Variants in DLG5 observed in about 807,000 individuals in gnomAD.
The protein encoded by DLG5 is discs large MAGUK scaffold protein 5.
A neutral mutation model predicts 189.8 loss-of-function variants in DLG5; 48 were observed. The observed-to-expected ratio is 0.25, with a 90% CI of 0.20 to 0.32. DLG5 has a LOEUF of 0.32. Among genes scored for constraint, DLG5 ranks in the 10% least tolerant of loss-of-function variants. The pLI is 1.00. For missense variants in DLG5, 2,160 were observed against 2,544.7 expected, an observed-to-expected ratio of 0.85 and a Z score of 3.25; for synonymous variants, 1,016 against 1,054.1, an observed-to-expected ratio of 0.96 and a Z score of 0.70.
chr10:77,900,987 C>T lies in DLG5; in HGVS notation c.304+25230G>A, dbSNP rs111960745. ...CAAGCAAGCCGGGCATGGTGGTGCACGCCTATAGTCCCAGCTACTTGGGAG... is the reference window on the plus strand; with the variant it reads ...CAAGCAAGCCGGGCATGGTGGTGCATGCCTATAGTCCCAGCTACTTGGGAG... On this transcript the variant is annotated intron_variant, in intron 1 of 31. Coordinates refer to ENST00000372391, the MANE Select transcript of DLG5 (RefSeq NM_004747.4). 3.9e-3 allele frequency among the ~76,000 whole-genome samples: 573 copies of T among 145,572 alleles called. 1 individual carries two copies. Among genetic ancestry groups the T allele is most frequent in the African/African-American group, 0.013 (521 of 39,114 alleles).
chr10:77,816,041 T>C (rs1428001763), intron 20 of DLG5: 1 of 450,272 alleles, frequency 2.2e-6, no homozygotes, highest in Non-Finnish European at 4.5e-6. Flanking sequence ...GCTTTCTTCC[T>C]GTGTATATTT....
chr10:77,926,076 C>A lies in DLG5; in HGVS notation c.304+141G>T. On this transcript the variant is annotated intron_variant, in intron 1 of 31. Transcript: ENST00000372391. The surrounding 1 kb of genome is among the most constrained non-coding windows in gnomAD (Gnocchi z 5.2). ...GGACTTCGGGATCCGCGCACCGCCG[C>A]CTCCCCAACTGGGCCAGAGGAGCGA... 1.1e-6 allele frequency: 1 copy of A among 905,704 alleles called. No individual in the cohort carries two copies. Among genetic ancestry groups the A allele is most frequent in the Non-Finnish European group, 1.5e-6 (1 of 681,294 alleles). The allele number at this position is 905,704 out of a possible 1,614,324, so 56.1% of individuals were successfully genotyped here. A position where few individuals can be genotyped will look rare whatever the true frequency, so the allele number is the denominator to read the frequency against.
rs74328064 is a variant in DLG5 at position 77,843,809 on chromosome 10, C to T, written c.865-103G>A. 346 of 1,490,940 alleles carry T rather than the reference C, an allele frequency of 2.3e-4. No homozygotes were observed. In the East Asian group the frequency reaches 5.9e-3, roughly 26 times the overall value. 92.4% of individuals were successfully genotyped at this position (1,490,940 alleles called of 1,614,324 possible). The stretch of plus-strand genomic sequence containing the variant: ...TCTGAGGGTGAGACTGATGACAAGG[C>T]GGTTGGGGGGAGGGGGTTACCCTAA... On this transcript the variant is annotated intron_variant, in intron 5 of 31. Coordinates refer to ENST00000372391, the MANE Select transcript of DLG5 (RefSeq NM_004747.4).
intron 20 of DLG5, among the ~76,000 whole-genome samples, chr10:77,814,461 T>TTTTATTTATA (rs1279061097): frequency 1.4e-5 from 1 of 70,700 alleles, no homozygotes; most frequent in Non-Finnish European, 3.1e-5. Context: ...TAAAGCATGT[T>TTTTATTTATA]TATATATATA....
At chr10:77,895,900 C>T (rs1589262126) in intron 1 of DLG5, among the ~76,000 whole-genome samples, 1 of 152,170 alleles carries the variant, frequency 6.6e-6, no homozygotes, top group Non-Finnish European at 1.5e-5. Context: ...TGACATAAAA[C>T]AGAGAAAAAC....
At chr10:77,842,471 GC>G (rs1347233047) in intron 6 of DLG5, among the ~76,000 whole-genome samples, 1 of 152,208 alleles carries the variant, frequency 6.6e-6, no homozygotes, top group Non-Finnish European at 1.5e-5. Flanking sequence ...CCACAGTCAA[GC>G]CACATTAATT....
chr10:77,826,210 A>G (rs900776318), intron 13 of DLG5, among the ~76,000 whole-genome samples: 13 of 152,350 alleles, frequency 8.5e-5, no homozygotes, highest in South Asian at 4.1e-4. Flanking sequence ...GTGGCCATGC[A>G]GCACGACACA....
At chr10:77,919,861 C>T (rs1401388223) in intron 1 of DLG5, among the ~76,000 whole-genome samples, 1 of 152,104 alleles carries the variant, frequency 6.6e-6, no homozygotes, top group Non-Finnish European at 1.5e-5. Context: ...CTTGCTCAAG[C>T]CTTCCTCCTC....
At chr10:77,850,912 A>C (rs1327752475) in intron 5 of DLG5, among the ~76,000 whole-genome samples, 1 of 152,244 alleles carries the variant, frequency 6.6e-6, no homozygotes, top group East Asian at 1.9e-4. Flanking sequence ...CTCTGAAATG[A>C]TGATTCTCTC....
intron 1 of DLG5, among the ~76,000 whole-genome samples, chr10:77,894,543 CTTT>C (rs35379334): frequency 3.1e-5 from 3 of 95,918 alleles, no homozygotes; most frequent in Non-Finnish European, 3.9e-5. Flanking sequence ...AAGAATAAAG[CTTT>C]TTTTTTTTTT....
rs954075250 is a variant in DLG5 at position 77,817,220 on chromosome 10, G to A, written c.3785-124C>T. The A allele has an allele frequency of 3.4e-6, 3 of 872,072 alleles. No individual in the cohort carries two copies. In the African/African-American group the frequency reaches 5.0e-5, roughly 15 times the overall value. 54.0% of individuals were successfully genotyped at this position (872,072 alleles called of 1,614,324 possible). ...GCTGGGCCCTGCTGTTTATTCCCAA[G>A]GGAGCCTTGATATGGAACAGTCAAG... is the stretch of plus-strand genomic sequence containing the variant. On this transcript the variant is annotated intron_variant, in intron 18 of 31. Transcript: ENST00000372391.
At chr10:77,793,824 G>A in intron 31 of DLG5, 184 bp downstream of exon 31, 1 of 611,672 alleles carries the variant, frequency 1.6e-6, no homozygotes, top group Admixed American at 2.8e-5. Flanking sequence ...CATTCAACCT[G>A]TAAGAATCCT....
In DLG5 at chr10:77,796,405, G is replaced by A; in HGVS notation, c.5308+46C>T. On this transcript the variant is annotated intron_variant, in intron 28 of 31. Coordinates refer to ENST00000372391, the MANE Select transcript of DLG5 (RefSeq NM_004747.4). The surrounding 1 kb of genome is among the most constrained non-coding windows in gnomAD (Gnocchi z 5.2). The stretch of plus-strand genomic sequence containing the variant: ...GGGCAGGCAGGTGGACAGGGACATA[G>A]AGACAAAGAGCCCAGTAGGCACAGA... 1 of 1,613,836 alleles carries A rather than the reference G, an allele frequency of 6.2e-7. No individual in the cohort carries two copies. Among genetic ancestry groups the A allele is most frequent in the Admixed American group, 1.7e-5 (1 of 60,024 alleles).
At chr10:77,902,216 T>A (rs1421182916) in intron 1 of DLG5, among the ~76,000 whole-genome samples, 1 of 152,166 alleles carries the variant, frequency 6.6e-6, no homozygotes, top group Non-Finnish European at 1.5e-5. Flanking sequence ...AGGTTCTGAT[T>A]CACAGACCTA....
Position 77,792,541 on chromosome 10 carries a change from C to T in DLG5, c.5659G>A (p.Val1887Ile). The T allele has an allele frequency of 1.9e-6, 3 of 1,614,094 alleles. No individual in the cohort carries two copies. Among genetic ancestry groups the T allele is most frequent in the East Asian group, 2.2e-5 (1 of 44,888 alleles). The change falls in exon 32 of 32, where the codon GTC becomes ATC. Residue 1887 changes from valine (V) to isoleucine (I), a missense_variant and splice_region_variant. By Grantham distance (29) the Val-to-Ile change is conservative (BLOSUM62 3). This residue lies in a region of DLG5 where 574 missense variants were observed against 644.2 expected (regional missense o/e 0.89). Transcript: ENST00000372391. ...EQEYSRYFTG[V>I]IQGGALSSIC... is the part of the protein sequence containing the mutation. Reference sequence around the variant, plus strand: ...CTTGACAGGGCTCCTCCCTGGATGACCCCTGCAAAAGAGCCCCCCAGACAC... The same window carrying T: ...CTTGACAGGGCTCCTCCCTGGATGATCCCTGCAAAAGAGCCCCCCAGACAC...
intron 14 of DLG5, 85 bp downstream of exon 14, chr10:77,824,299 G>T: frequency 9.8e-7 from 1 of 1,016,404 alleles, no homozygotes. Context: ...AGGATCCTGT[G>T]ACCCCAAGGA....
Position 77,825,374 on chromosome 10 carries a change from CCACACACACACA to C in DLG5, c.2290-910_2290-899del, listed in dbSNP as rs59102694. On this transcript the variant is annotated intron_variant, in intron 13 of 31. Coordinates refer to ENST00000372391, the MANE Select transcript of DLG5 (RefSeq NM_004747.4). Reference sequence around the variant, plus strand: ...ACAACATGTGTTTAACCACACACAACCACACACACACACACACACACACACACACACACACAC... The same window carrying C: ...ACAACATGTGTTTAACCACACACAACCACACACACACACACACACACACAC... Among the ~76,000 whole-genome samples, 309 of 130,890 alleles carry C rather than the reference CCACACACACACA, an allele frequency of 2.4e-3. 3 individuals carry two copies. Among genetic ancestry groups the C allele is most frequent in the Middle Eastern group, 7.8e-3 (2 of 256 alleles). The allele number at this position is 130,890 out of a possible 152,430, so 85.9% of individuals were successfully genotyped here.
intron 1 of DLG5, among the ~76,000 whole-genome samples, chr10:77,917,540 G>T (rs1846398639): frequency 6.7e-6 from 1 of 149,124 alleles, no homozygotes. Context: ...AAAAAAAGAA[G>T]AAAGAGAGAG....
chr10:77,801,937 C>A (rs1841227202), intron 27 of DLG5, among the ~76,000 whole-genome samples: 1 of 152,140 alleles, frequency 6.6e-6, no homozygotes, highest in African/African-American at 2.4e-5. Context: ...TAAATAAAAC[C>A]CCACGGGTCC....
Sources: allele counts gnomAD v4.1 joint callset (sites outside exome capture counted in the v4.1 genomes callset), GRCh38; gene constraint gnomAD v4.1.1; regional missense constraint gnomAD v4.1.1; non-coding constraint Gnocchi (gnomAD v3.1); transcripts MANE v1.5; gene names NCBI Gene and HGNC (gene_info 2026-07-23, HGNC 2026-07-21).